CHN2: variants seen among roughly 807,000 people sequenced by gnomAD.
CHN2 encodes the protein beta-chimaerin.
A neutral mutation model predicts 56.3 loss-of-function variants in CHN2; 35 were observed. The ratio of observed to expected loss-of-function variants is 0.62; its 90% confidence interval spans 0.47 to 0.82. CHN2 has a LOEUF of 0.82. CHN2 is among the 40% of genes least tolerant of loss of function. CHN2 has a pLI of 0.00. For missense variants in CHN2, 491 were observed against 580.5 expected (o/e 0.85, Z 1.58); for synonymous variants, 210 against 212.8 (o/e 0.99, Z 0.12).
At chr7:29,415,126 T>C (rs1225489039) in intron 6 of CHN2, among the ~76,000 whole-genome samples, 1 of 152,230 alleles carries the variant, frequency 6.6e-6, no homozygotes, top group Non-Finnish European at 1.5e-5. Flanking sequence ...CAATTGCACT[T>C]ACAACGACTA....
chr7:29,494,766 T>C (rs187309780), intron 7 of CHN2, among the ~76,000 whole-genome samples: 1 of 152,196 alleles, frequency 6.6e-6, no homozygotes, highest in Admixed American at 6.5e-5. Flanking sequence ...TTTTACTCAT[T>C]GGTTTCCTTA....
intron 2 of CHN2, among the ~76,000 whole-genome samples, chr7:29,187,086 G>GT (rs1449517067): frequency 1.3e-5 from 2 of 152,168 alleles, no homozygotes; most frequent in Admixed American, 6.5e-5. Flanking sequence ...CTTAAGGAGA[G>GT]TGACTTTTCT....
At chr7:29,431,214 T>C (rs1782841611) in intron 6 of CHN2, among the ~76,000 whole-genome samples, 1 of 152,202 alleles carries the variant, frequency 6.6e-6, no homozygotes, top group South Asian at 2.1e-4. Flanking sequence ...CCCCTGACTT[T>C]TCTAGCCACT....
intron 6 of CHN2, among the ~76,000 whole-genome samples, chr7:29,417,331 C>T (rs1390862713): frequency 2.3e-5 from 3 of 130,862 alleles, no homozygotes; most frequent in African/African-American, 8.4e-5. Flanking sequence ...TTTACTGTAA[C>T]CCTTTTTTTT....
chr7:29,438,564 C>G (rs561343968), intron 6 of CHN2, among the ~76,000 whole-genome samples: 268 of 152,122 alleles, frequency 1.8e-3, no homozygotes, highest in Non-Finnish European at 3.2e-3. Context: ...GTAGCTAAAT[C>G]TTTGCAAATG....
intron 9 of CHN2, among the ~76,000 whole-genome samples, chr7:29,501,847 T>A (rs1359870488): frequency 6.6e-6 from 1 of 152,222 alleles, no homozygotes; most frequent in Admixed American, 6.5e-5. Flanking sequence ...CTCTGCGTGA[T>A]GTGGCAGAGT....
intron 3 of CHN2, among the ~76,000 whole-genome samples, chr7:29,382,669 C>G (rs1045654947): frequency 6.6e-6 from 1 of 152,194 alleles, no homozygotes; most frequent in South Asian, 2.1e-4. Context: ...TAAAAGCCAA[C>G]AATCCCAATC....
intron 6 of CHN2, among the ~76,000 whole-genome samples, chr7:29,423,179 A>G (rs995559937): frequency 6.6e-6 from 1 of 152,200 alleles, no homozygotes; most frequent in Non-Finnish European, 1.5e-5. Context: ...GAAGGAAATG[A>G]CGGGGACGTT....
At chr7:29,163,164 T>C (rs1398337132) in intron 2 of CHN2, among the ~76,000 whole-genome samples, 1 of 152,158 alleles carries the variant, frequency 6.6e-6, no homozygotes, top group Non-Finnish European at 1.5e-5. Flanking sequence ...CTCAATTCTA[T>C]TATGGGAAAA....
At position 29,514,264 on chromosome 7, in the gene CHN2, T is replaced by TTGTAATTTATGATAG. The variant is rs1213260272; in HGVS notation, c.*1535_*1549dup. 7.9e-5 allele frequency: 12 copies of TTGTAATTTATGATAG among 152,660 alleles called. No homozygotes were observed. Among genetic ancestry groups the TTGTAATTTATGATAG allele is most frequent in the African/African-American group, 2.9e-4 (12 of 41,460 alleles). The allele number at this position is 152,660 out of a possible 1,614,324, so 9.5% of individuals were successfully genotyped here. A position where few individuals can be genotyped will look rare whatever the true frequency, so the allele number is the denominator to read the frequency against. On this transcript the variant is annotated 3_prime_UTR_variant, in exon 13 of 13. Coordinates refer to ENST00000222792, the MANE Select transcript of CHN2 (RefSeq NM_004067.4). ...TTTATTTTGTGAAGTGAACAATACTTTGTAATTTATGATAGTGTAAATGGA... is the reference window on the plus strand; with the variant it reads ...TTTATTTTGTGAAGTGAACAATACTTTGTAATTTATGATAGTGTAATTTATGATAGTGTAAATGGA...
At chr7:29,395,080 A>C (rs1801642381) in intron 4 of CHN2, among the ~76,000 whole-genome samples, 1 of 152,234 alleles carries the variant, frequency 6.6e-6, no homozygotes, top group Non-Finnish European at 1.5e-5. Flanking sequence ...GGAAACGCAC[A>C]TACACATTTA....
At position 29,247,769 on chromosome 7, in the gene CHN2, C is replaced by T. The variant is rs1400248499; in HGVS notation, c.49+52779C>T. On this transcript the variant is annotated intron_variant, in intron 1 of 12. Transcript: ENST00000222792. ...GGAGCTGTTCTGTTATTTCCTCTGC[C>T]AGCTTTCTCTTTCCATGGCTTTGCT... 2.0e-5 allele frequency among the ~76,000 whole-genome samples: 3 copies of T among 152,264 alleles called. No individual in the cohort carries two copies. The East Asian group carries it at 5.8e-4, about 29-fold the overall frequency.
Position 29,508,283 on chromosome 7 carries a change from G to C in CHN2, c.1129+918G>C, listed in dbSNP as rs570020525. On this transcript the variant is annotated intron_variant, in intron 11 of 12. Transcript: ENST00000222792. Reference sequence around the variant, plus strand: ...AATAGAGTGAAAAGGGGGCAGGTCTGGGGGAAGGGGCTACACTTTGCCCAG... The same window carrying C: ...AATAGAGTGAAAAGGGGGCAGGTCTCGGGGAAGGGGCTACACTTTGCCCAG... 9.9e-5 allele frequency among the ~76,000 whole-genome samples: 15 copies of C among 151,998 alleles called. No individual in the cohort carries two copies. The South Asian group carries it at 3.1e-3, about 32-fold the overall frequency.
At chr7:29,474,328 T>C (rs1786409830) in intron 6 of CHN2, among the ~76,000 whole-genome samples, 1 of 152,260 alleles carries the variant, frequency 6.6e-6, no homozygotes, top group African/African-American at 2.4e-5. Context: ...CTTGATATTG[T>C]TTTGATGAAT....
chr7:29,184,151 TGATAGATAGATAGATAGATA>T (rs56102038), intron 2 of CHN2, among the ~76,000 whole-genome samples: 18 of 143,386 alleles, frequency 1.3e-4, no homozygotes, highest in Non-Finnish European at 1.1e-4. Context: ...TACAGATAGA[TGATAGATAGATAGATAGATA>T]GATAGATAGA....
At chr7:29,341,200 C>T (rs1021485610) in intron 1 of CHN2, among the ~76,000 whole-genome samples, 3 of 152,166 alleles carry the variant, frequency 2.0e-5, no homozygotes, top group Non-Finnish European at 4.4e-5. Context: ...CTTCCCCTCT[C>T]TAGAGCTCCC....
intron 1 of CHN2, among the ~76,000 whole-genome samples, chr7:29,352,621 G>T (rs981164926): frequency 1.1e-4 from 16 of 152,108 alleles, no homozygotes; most frequent in Admixed American, 2.0e-4. Flanking sequence ...TACTTGGGAG[G>T]CTGAGGCAGG....
intron 9 of CHN2, among the ~76,000 whole-genome samples, chr7:29,501,656 T>C (rs1389682327): frequency 1.3e-5 from 2 of 152,052 alleles, no homozygotes; most frequent in South Asian, 4.2e-4. Flanking sequence ...AGCACAGGGA[T>C]TAGAGCCCCA....
At chr7:29,155,487 A>G (rs1245411051) in intron 2 of CHN2, among the ~76,000 whole-genome samples, 4 of 152,200 alleles carry the variant, frequency 2.6e-5, no homozygotes, top group Admixed American at 2.0e-4. Context: ...CCATTTTCTA[A>G]TGGATGTAAC....
Sources: gnomAD v4.1 joint callset for allele counts (sites outside exome capture counted in the v4.1 genomes callset) on GRCh38, gnomAD v4.1.1 for gene constraint, MANE v1.5 for transcripts, NCBI Gene and HGNC (gene_info 2026-07-23, HGNC 2026-07-21) for gene names.